The following AJAP1 variants were observed in gnomAD, a reference collection of about 807,000 sequenced individuals.
AJAP1 encodes the protein adherens junction-associated protein 1.
In AJAP1, 5 loss-of-function variants were observed where a neutral mutation model predicts 35.0. That is an observed-to-expected ratio of 0.14 (90% confidence interval 0.07 to 0.30). AJAP1 has a LOEUF of 0.30. Ranked by LOEUF, AJAP1 falls within the 10% of genes least tolerant of loss-of-function variation. The probability of loss-of-function intolerance (pLI) is 1.00; values close to 1 mark genes in which losing one functional copy is unlikely to be tolerated. For missense variants in AJAP1, 586 were observed against 571.0 expected, an observed-to-expected ratio of 1.03 and a Z score of -0.27; for synonymous variants, 284 against 249.3, an observed-to-expected ratio of 1.14 and a Z score of -1.31.
intron 1 of AJAP1, among the ~76,000 whole-genome samples, chr1:4,676,113 T>G (rs1291209627): frequency 6.6e-6 from 1 of 152,174 alleles, no homozygotes; most frequent in Non-Finnish European, 1.5e-5. Flanking sequence ...TCCGTGTGTT[T>G]GGGAGAGGAT....
intron 2 of AJAP1, among the ~76,000 whole-genome samples, chr1:4,766,172 T>C (rs908641620): frequency 6.6e-6 from 1 of 152,170 alleles, no homozygotes; most frequent in Non-Finnish European, 1.5e-5. Context: ...GAAGTTTTAT[T>C]GGAAAACAGC....
intron 2 of AJAP1, among the ~76,000 whole-genome samples, chr1:4,752,091 A>C (rs184132727): frequency 1.3e-5 from 2 of 151,980 alleles, no homozygotes; most frequent in Non-Finnish European, 2.9e-5. Flanking sequence ...GCCATCTCAG[A>C]CACATGAGAA....
At chr1:4,768,914 C>T (rs1641758742) in intron 2 of AJAP1, among the ~76,000 whole-genome samples, 1 of 152,194 alleles carries the variant, frequency 6.6e-6, no homozygotes, top group Non-Finnish European at 1.5e-5. Flanking sequence ...CTGTTGCAGG[C>T]CTGCCCTCCT....
Position 4,712,848 on chromosome 1 carries a change from C to T in AJAP1, c.829+149C>T, listed in dbSNP as rs1003623645. On this transcript the variant is annotated intron_variant, in intron 2 of 5. Transcript: ENST00000378191. ...GATGTGTCCATGAGCTTGCACATGC[C>T]TGTAGACTGGCAAATACAGGCTGTG... 3.9e-6 allele frequency: 3 copies of T among 776,050 alleles called. No individual in the cohort carries two copies. The African/African-American group carries it at 5.3e-5, about 14-fold the overall frequency. The allele number at this position is 776,050 out of a possible 1,614,324, so 48.1% of individuals were successfully genotyped here.
At chr1:4,685,188 T>C (rs1308478553) in intron 1 of AJAP1, among the ~76,000 whole-genome samples, 3 of 152,210 alleles carry the variant, frequency 2.0e-5, no homozygotes, top group Admixed American at 6.5e-5. Flanking sequence ...AACCAGGAGC[T>C]GTGAAATGCT....
At chr1:4,703,535 G>A (rs939474434) in intron 1 of AJAP1, among the ~76,000 whole-genome samples, 1 of 152,202 alleles carries the variant, frequency 6.6e-6, no homozygotes, top group Non-Finnish European at 1.5e-5. Context: ...CTTGGAATTA[G>A]AGGAGAGTTT....
chr1:4,687,727 G>T (rs1046094991), intron 1 of AJAP1, among the ~76,000 whole-genome samples: 2 of 152,204 alleles, frequency 1.3e-5, no homozygotes, highest in Non-Finnish European at 2.9e-5. Context: ...TCCGTGCTAA[G>T]GGAGTCAGCC....
At chr1:4,694,539 A>G (rs1229472929) in intron 1 of AJAP1, among the ~76,000 whole-genome samples, 2 of 152,216 alleles carry the variant, frequency 1.3e-5, no homozygotes, top group Admixed American at 1.3e-4. Context: ...TAAACTCCCG[A>G]GTGGTCCAGG....
intron 2 of AJAP1, among the ~76,000 whole-genome samples, chr1:4,755,001 C>T (rs1032749238): frequency 6.6e-6 from 1 of 152,102 alleles, no homozygotes; most frequent in African/African-American, 2.4e-5. Context: ...GCTGGCCCAC[C>T]AGGTGTCTCT....
intron 2 of AJAP1, among the ~76,000 whole-genome samples, chr1:4,728,531 G>T (rs1408143676): frequency 3.9e-5 from 6 of 152,162 alleles, no homozygotes; most frequent in Non-Finnish European, 7.3e-5. Context: ...GGTGTGAGCG[G>T]CCATCACAGC....
intron 1 of AJAP1, among the ~76,000 whole-genome samples, chr1:4,670,518 G>A (rs2100515352): frequency 6.6e-6 from 1 of 152,312 alleles, no homozygotes; most frequent in Admixed American, 6.5e-5. Context: ...CATGTACGGT[G>A]AACTGGGAGC....
intron 1 of AJAP1, among the ~76,000 whole-genome samples, chr1:4,705,905 G>A (rs973986038): frequency 1.4e-4 from 21 of 152,160 alleles, no homozygotes; most frequent in African/African-American, 2.4e-4. Context: ...TCCAAGCCAC[G>A]TGTGTAGTTC....
intron 1 of AJAP1, among the ~76,000 whole-genome samples, chr1:4,711,440 C>T (rs1640231774): frequency 6.6e-6 from 1 of 152,202 alleles, no homozygotes; most frequent in Non-Finnish European, 1.5e-5. Flanking sequence ...AAGCGCCTGG[C>T]CCTGGGGTCC....
Position 4,764,726 on chromosome 1 carries a change from C to T in AJAP1, c.830-5127C>T, listed in dbSNP as rs564438332. On this transcript the variant is annotated intron_variant, in intron 2 of 5. Coordinates refer to ENST00000378191, the MANE Select transcript of AJAP1 (RefSeq NM_018836.4). Reference sequence around the variant, plus strand: ...GTGAAATCAGCTGTGATACGCACAGCAATGTCATCTGTTTGCCTTGGCCAA... The same window carrying T: ...GTGAAATCAGCTGTGATACGCACAGTAATGTCATCTGTTTGCCTTGGCCAA... Among the ~76,000 whole-genome samples the T allele has an allele frequency of 8.5e-5, 13 of 152,332 alleles. No homozygotes were observed. The East Asian group carries it at 2.3e-3, about 27-fold the overall frequency.
At chr1:4,718,683 A>G (rs868437924) in intron 2 of AJAP1, among the ~76,000 whole-genome samples, 4 of 152,094 alleles carry the variant, frequency 2.6e-5, no homozygotes, top group East Asian at 1.9e-4. Context: ...GGGTTTCACT[A>G]TGTTGGCCAG....
At chr1:4,721,654 G>T (rs949978263) in intron 2 of AJAP1, among the ~76,000 whole-genome samples, 1 of 152,320 alleles carries the variant, frequency 6.6e-6, no homozygotes, top group Admixed American at 6.5e-5. Context: ...CAGGGAGGAA[G>T]AAGAGAGGAT....
chr1:4,754,615 G>A (rs1339814912), intron 2 of AJAP1, among the ~76,000 whole-genome samples: 1 of 152,184 alleles, frequency 6.6e-6, no homozygotes, highest in Admixed American at 6.5e-5. Flanking sequence ...AACTCACAGG[G>A]AATTCCCAGC....
rs1165840236 is a variant in AJAP1 at position 4,720,881 on chromosome 1, G to T, written c.829+8182G>T. On this transcript the variant is annotated intron_variant, in intron 2 of 5. Transcript: ENST00000378191. This position sits in a 1 kb window ranked among gnomAD's most constrained non-coding sequence, Gnocchi z 4.4. ...CCTGGAAGGCCTCAGTTCTCACTGTGGTGGTCAGACCTACCTCAGGAAGCC... is the reference window on the plus strand; with the variant it reads ...CCTGGAAGGCCTCAGTTCTCACTGTTGTGGTCAGACCTACCTCAGGAAGCC... Among the ~76,000 whole-genome samples the T allele has an allele frequency of 6.6e-6, 1 of 152,264 alleles. No homozygotes were observed. Among genetic ancestry groups the T allele is most frequent in the East Asian group, 1.9e-4 (1 of 5,162 alleles).
At chr1:4,679,322 T>C (rs1639425821) in intron 1 of AJAP1, among the ~76,000 whole-genome samples, 1 of 152,124 alleles carries the variant, frequency 6.6e-6, no homozygotes, top group Non-Finnish European at 1.5e-5. Flanking sequence ...TTTTGTCCCA[T>C]GTCCCCAGCT....
Sources: gnomAD v4.1 joint callset for allele counts (sites outside exome capture counted in the v4.1 genomes callset) on GRCh38, gnomAD v4.1.1 for gene constraint, Gnocchi (gnomAD v3.1) non-coding constraint, MANE v1.5 for transcripts, NCBI Gene and HGNC (gene_info 2026-07-23, HGNC 2026-07-21) for gene names.